MET: variants seen among roughly 807,000 people sequenced by gnomAD.
The protein encoded by MET is MET proto-oncogene, receptor tyrosine kinase, also known as hepatocyte growth factor receptor.
A neutral mutation model predicts 133.1 loss-of-function variants in MET; 48 were observed. The ratio of observed to expected loss-of-function variants is 0.36; its 90% confidence interval spans 0.29 to 0.46. The LOEUF is 0.46. MET is among the 20% of genes least tolerant of loss of function. The pLI, the probability that MET is intolerant of heterozygous loss-of-function variation, is 1.00. For synonymous variants in MET, 628 were observed against 616.5 expected (o/e 1.02, Z -0.28); for missense variants, 1,442 against 1,695.9 (o/e 0.85, Z 2.63).
Position 116,739,969 on chromosome 7 carries a change from G to C in MET, c.1412G>C (p.Gly471Ala), listed in dbSNP as rs373312981. The C allele has an allele frequency of 6.2e-7, 1 of 1,614,052 alleles. No individual in the cohort carries two copies. The highest frequency in any genetic ancestry group is 8.5e-7 in the Non-Finnish European group (1 of 1,179,962). The change falls in exon 4 of 21, where the codon GGA becomes GCA. Residue 471 changes from glycine (G) to alanine (A), a missense_variant. Gly to Ala is a moderately conservative substitution (Grantham distance 60). Transcript: ENST00000397752. ...GTTTAGGTTGTGGTTTCTCGATCAG[G>C]ACCATCAACCCCTCATGTGAATTTT... ...RFMQVVVSRS[G>A]PSTPHVNFLL... is the part of the protein sequence containing the mutation.
chr7:116,699,096 C>T lies in MET; in HGVS notation c.12C>T (p.Pro4=), dbSNP rs772251895. Residue 4 remains proline, a synonymous_variant, in exon 2 of 21, where the codon CCC becomes CCT. Transcript: ENST00000397752. MKA[P]AVLAPGILVL... is the part of the protein sequence containing the mutation. ...ATAAACCTCTCATAATGAAGGCCCC[C>T]GCTGTGCTTGCACCTGGCATCCTCG... 4.1e-5 allele frequency: 66 copies of T among 1,613,846 alleles called. No individual in the cohort carries two copies. Among genetic ancestry groups the T allele is most frequent in the East Asian group, 2.2e-4 (10 of 44,876 alleles).
intron 3 of MET, among the ~76,000 whole-genome samples, chr7:116,733,286 G>A (rs1186391190): frequency 6.6e-6 from 1 of 151,050 alleles, no homozygotes; most frequent in Admixed American, 6.6e-5. Flanking sequence ...AGAAAAGCTG[G>A]CATCTATTGA....
chr7:116,698,221 A>G (rs1797035073), intron 1 of MET, among the ~76,000 whole-genome samples: 1 of 152,228 alleles, frequency 6.6e-6, no homozygotes, highest in Non-Finnish European at 1.5e-5. Flanking sequence ...ACTGAATAAC[A>G]GGCCCATTCA....
intron 11 of MET, among the ~76,000 whole-genome samples, chr7:116,765,204 G>A (rs976044628): frequency 5.3e-5 from 8 of 151,272 alleles, no homozygotes; most frequent in Non-Finnish European, 1.0e-4. Flanking sequence ...GGAGGCTGAG[G>A]GACGGAGGTG....
intron 6 of MET, among the ~76,000 whole-genome samples, chr7:116,756,503 TAA>T (rs772960961): frequency 6.6e-6 from 1 of 152,182 alleles, no homozygotes; most frequent in Non-Finnish European, 1.5e-5. Context: ...ATCTCCCTTG[TAA>T]AATCTCCAAA....
chr7:116,675,133 T>C (rs1796112245), intron 1 of MET, among the ~76,000 whole-genome samples: 1 of 152,248 alleles, frequency 6.6e-6, no homozygotes, highest in Non-Finnish European at 1.5e-5. Flanking sequence ...CACTGACTAA[T>C]GTTAGTTCAG....
Position 116,796,822 on chromosome 7 carries a change from T to C in MET, c.*698T>C. 5.6e-6 allele frequency: 1 copy of C among 179,982 alleles called. No individual in the cohort carries two copies. The highest frequency in any genetic ancestry group is 1.2e-5 in the Non-Finnish European group (1 of 84,126). 11.1% of individuals were successfully genotyped at this position (179,982 alleles called of 1,614,324 possible). A position where few individuals can be genotyped will look rare whatever the true frequency, so the allele number is the denominator to read the frequency against. ...TTTGTAGAGACGGGGTTTTGCCATG[T>C]TGCCAAGGCTGGTTTCAAACTCCTG... On this transcript the variant is annotated 3_prime_UTR_variant, in exon 21 of 21. Coordinates refer to ENST00000397752, the MANE Select transcript of MET (RefSeq NM_000245.4).
At chr7:116,777,155 A>G (rs898158515) in intron 15 of MET, among the ~76,000 whole-genome samples, 1 of 152,218 alleles carries the variant, frequency 6.6e-6, no homozygotes, top group Non-Finnish European at 1.5e-5. Flanking sequence ...CAACTTATTC[A>G]TGAATTAAAT....
Position 116,739,985 on chromosome 7 carries a change from T to G in MET, c.1428T>G (p.His476Gln). 6.2e-7 allele frequency: 1 copy of G among 1,614,170 alleles called. No homozygotes were observed. The highest frequency in any genetic ancestry group is 8.5e-7 in the Non-Finnish European group (1 of 1,180,002). ...VVSRSGPSTP[H>Q]VNFLLDSHPV... ...CTCGATCAGGACCATCAACCCCTCA[T>G]GTGAATTTTCTCCTGGACTCCCATC... Residue 476 changes from histidine (H) to glutamine (Q), a missense_variant, in exon 4 of 21, where the codon CAT becomes CAG. Physicochemically the swap from His to Gln is conservative, Grantham distance 24 (BLOSUM62 0). This residue lies in a region of MET where 762 missense variants were observed against 792.4 expected (regional missense o/e 0.96). Coordinates refer to ENST00000397752, the MANE Select transcript of MET (RefSeq NM_000245.4).
At chr7:116,793,297 C>T (rs1444257484) in intron 19 of MET, among the ~76,000 whole-genome samples, 1 of 151,968 alleles carries the variant, frequency 6.6e-6, no homozygotes, top group Non-Finnish European at 1.5e-5. Flanking sequence ...GCTTCAGCCT[C>T]CCAAGTAGCT....
At chr7:116,724,857 A>G in intron 2 of MET, 1 of 1,287,000 alleles carries the variant, frequency 7.8e-7, no homozygotes, top group Non-Finnish European at 1.0e-6. Context: ...GGTAATGTGA[A>G]CACTCAGTGC....
chr7:116,724,001 T>C (rs1584905066), intron 2 of MET: 1 of 156,194 alleles, frequency 6.4e-6, no homozygotes, highest in Non-Finnish European at 1.4e-5. Flanking sequence ...TGAGCTCTGG[T>C]GGGCTCCACC....
chr7:116,721,677 A>G (rs1792491021), intron 2 of MET, among the ~76,000 whole-genome samples: 1 of 151,880 alleles, frequency 6.6e-6, no homozygotes, highest in African/African-American at 2.4e-5. Flanking sequence ...AGATTCTGGT[A>G]TGTTGTGTCT....
chr7:116,727,260 G>A (rs989849784), intron 2 of MET, among the ~76,000 whole-genome samples: 9 of 152,134 alleles, frequency 5.9e-5, no homozygotes, highest in Admixed American at 5.9e-4. Context: ...GTAAGCAGAA[G>A]CAAAAGAAAT....
chr7:116,737,189 A>G (rs1278862804), intron 3 of MET, among the ~76,000 whole-genome samples: 1 of 152,118 alleles, frequency 6.6e-6, no homozygotes. Context: ...CTGTCTTCTC[A>G]TCTTCATCCC....
chr7:116,744,758 A>G (rs1793602454), intron 5 of MET, among the ~76,000 whole-genome samples: 1 of 152,186 alleles, frequency 6.6e-6, no homozygotes, highest in Admixed American at 6.5e-5. Context: ...CAAGGTTGCA[A>G]TGAAGGAAAA....
Position 116,757,739 on chromosome 7 carries a change from C to T in MET, c.2067C>T (p.His689=), listed in dbSNP as rs1318989606. The T allele has an allele frequency of 6.2e-7, 1 of 1,613,884 alleles. No individual in the cohort carries two copies. Among genetic ancestry groups the T allele is most frequent in the African/African-American group, 1.3e-5 (1 of 75,042 alleles). Residue 689 remains histidine, a synonymous_variant, in exon 8 of 21, where the codon CAC becomes CAT. Transcript: ENST00000397752. Reference sequence around the variant, plus strand: ...ACCTAAACAGTGGGAATTCTAGACACATTTCAATTGGTGGAAAAACATGTA... The same window carrying T: ...ACCTAAACAGTGGGAATTCTAGACATATTTCAATTGGTGGAAAAACATGTA... ...GNYLNSGNSR[H]ISIGGKTCTL...
chr7:116,756,374 A>T (rs1343779719), intron 6 of MET, among the ~76,000 whole-genome samples: 1 of 152,204 alleles, frequency 6.6e-6, no homozygotes, highest in Non-Finnish European at 1.5e-5. Flanking sequence ...GTTATTTTAT[A>T]TCTAATAGAA....
rs1215872095 is a variant in MET at position 116,763,186 on chromosome 7, T to A, written c.2501T>A (p.Ile834Asn). The change falls in exon 11 of 21, where the codon ATT (isoleucine) becomes AAT (asparagine). Residue 834 changes from isoleucine to asparagine, a missense_variant. Ile to Asn is a moderately radical substitution (Grantham distance 149, BLOSUM62 -3). Coordinates refer to ENST00000397752, the MANE Select transcript of MET (RefSeq NM_000245.4). ...ATCCTTTCCAAATACTTTGATCTCA[T>A]TTATGTACATAATCCTGTGTTTAAG... is the stretch of plus-strand genomic sequence containing the variant. ...DGILSKYFDL[I>N]YVHNPVFKPF... The A allele has an allele frequency of 5.0e-6, 8 of 1,614,084 alleles. No individual in the cohort carries two copies. The highest frequency in any genetic ancestry group is 6.8e-6 in the Non-Finnish European group (8 of 1,179,984).
Sources: allele counts gnomAD v4.1 joint callset (sites outside exome capture counted in the v4.1 genomes callset), GRCh38; gene constraint gnomAD v4.1.1; regional missense constraint gnomAD v4.1.1; transcripts MANE v1.5; gene names NCBI Gene and HGNC (gene_info 2026-07-23, HGNC 2026-07-21).